ESCO2: variants seen among roughly 807,000 people sequenced by gnomAD.
The protein encoded by ESCO2 is N-acetyltransferase ESCO2.
Under a neutral mutation model 61.7 loss-of-function variants are expected in ESCO2, and 51 were observed. That is an observed-to-expected ratio of 0.83 (90% CI 0.66 to 1.04). The LOEUF (loss-of-function observed/expected upper bound fraction) is 1.04. ESCO2 is among the 50% of genes least tolerant of loss of function. The probability of loss-of-function intolerance (pLI) is 0.00; values close to 1 mark genes in which losing one functional copy is unlikely to be tolerated. For synonymous variants in ESCO2, 230 were observed against 238.2 expected (o/e 0.97, Z 0.32); for missense variants, 692 against 686.2 (o/e 1.01, Z -0.09).
chr8:27,806,403 A>G (rs1454395326), downstream of ESCO2, among the ~76,000 whole-genome samples: 1 of 152,186 alleles, frequency 6.6e-6, no homozygotes, highest in East Asian at 1.9e-4. Flanking sequence ...TGTTAATTAT[A>G]GTATCAATGT....
At position 27,776,859 on chromosome 8, in the gene ESCO2, C is replaced by G. The variant is rs2128951206; in HGVS notation, c.551C>G (p.Ser184Ter). The G allele has an allele frequency of 1.2e-6, 2 of 1,614,092 alleles. No individual in the cohort carries two copies. Among genetic ancestry groups the G allele is most frequent in the African/African-American group, 1.3e-5 (1 of 75,016 alleles). The change falls in exon 3 of 11, where the codon TCA (serine) becomes TGA (stop). Residue 184 changes from serine to a stop codon, truncating the protein, a stop_gained. Transcript: ENST00000305188. LOFTEE classifies it high-confidence loss of function. ...PIVEKENNCHSAENNSNAPRV... is the reference protein window; with the variant it reads ...PIVEKENNCH ...GTGGAGAAGGAAAATAATTGTCATT[C>G]AGCTGAAAATAATTCCAATGCTCCT...
chr8:27,802,652 TA>T (rs1220882534), intron 10 of ESCO2, among the ~76,000 whole-genome samples: 60 of 70,702 alleles, frequency 8.5e-4, no homozygotes, highest in African/African-American at 1.7e-3. Context: ...TATATATATA[TA>T]TATTATATAT....
chr8:27,802,055 G>A (rs1805441085), intron 10 of ESCO2, among the ~76,000 whole-genome samples: 1 of 134,732 alleles, frequency 7.4e-6, no homozygotes, highest in South Asian at 2.4e-4. Flanking sequence ...CCCTAATCTG[G>A]AACAATTTCT....
At position 27,802,771 on chromosome 8, in the gene ESCO2, G is replaced by C. The variant is rs138289314; in HGVS notation, c.1674-535G>C. Among the ~76,000 whole-genome samples, 746 of 138,524 alleles carry C rather than the reference G, an allele frequency of 5.4e-3. 20 individuals are homozygous for C. The East Asian group carries it at 0.11, about 20-fold the overall frequency. 90.9% of individuals were successfully genotyped at this position (138,524 alleles called of 152,430 possible). On this transcript the variant is annotated intron_variant, in intron 10 of 10. Transcript: ENST00000305188. ...TTATTTTTATTTTTTGATTGAGTTG[G>C]AGTCTCACTCTGTTACCCAGGCTGG...
intron 4 of ESCO2, 46 bp from the exon 5 acceptor site, chr8:27,783,954 T>C: frequency 1.3e-6 from 2 of 1,484,416 alleles, no homozygotes; most frequent in Non-Finnish European, 1.9e-6. Flanking sequence ...ATTAAAGCTT[T>C]GATTTTATTT....
chr8:27,807,133 C>A (rs1392037448), downstream of ESCO2, among the ~76,000 whole-genome samples: 2 of 151,938 alleles, frequency 1.3e-5, no homozygotes, highest in Non-Finnish European at 2.9e-5. Flanking sequence ...TCTAAGATTG[C>A]CAGTCTAGTA....
At chr8:27,806,435 G>A (rs948008710), downstream of ESCO2, among the ~76,000 whole-genome samples, 10 of 152,014 alleles carry the variant, frequency 6.6e-5, no homozygotes, top group African/African-American at 1.9e-4. Flanking sequence ...TTAGTACATG[G>A]TCCCACTTTT....
chr8:27,794,306 A>T (rs763068152), intron 9 of ESCO2, among the ~76,000 whole-genome samples: 76 of 152,322 alleles, frequency 5.0e-4, no homozygotes, highest in South Asian at 1.7e-3. Flanking sequence ...TCATTCTAAC[A>T]GGCGTGAGGT....
chr8:27,808,530 A>T (rs990017990), downstream of ESCO2, among the ~76,000 whole-genome samples: 1 of 148,580 alleles, frequency 6.7e-6, no homozygotes, highest in Non-Finnish European at 1.5e-5. Context: ...AAAAAAAAAA[A>T]TTAGCCAGGT....
At chr8:27,773,396 C>A (rs968530418), upstream of ESCO2, among the ~76,000 whole-genome samples, 1 of 152,004 alleles carries the variant, frequency 6.6e-6, no homozygotes, top group Non-Finnish European at 1.5e-5. Context: ...TTCCTGCCCC[C>A]CTTCTTCGTC....
chr8:27,818,210 G>A, the ESCO2 span, among the ~76,000 whole-genome samples: 23,941 of 152,146 alleles, frequency 0.16, 2,391 homozygotes, highest in East Asian at 0.37. Flanking sequence ...TTTGAGGTCT[G>A]TGTTACCACA....
At chr8:27,779,540 G>A (rs1255900649) in intron 3 of ESCO2, 2 of 152,214 alleles carry the variant, frequency 1.3e-5, no homozygotes, top group South Asian at 2.1e-4. Context: ...GGTGGCTGCT[G>A]GGGAAACTTT....
Position 27,777,293 on chromosome 8 carries a change from A to C in ESCO2, c.861+124A>C, listed in dbSNP as rs571369749. The C allele has an allele frequency of 8.0e-5, 71 of 882,524 alleles. No individual in the cohort carries two copies. The East Asian group carries it at 1.9e-3, about 24-fold the overall frequency. The allele number at this position is 882,524 out of a possible 1,614,324, so 54.7% of individuals were successfully genotyped here. ...AAGCCAGATAGCATAGTGTTTAGTTACTGTAAGGAGTTTATTTATTTATTT... is the reference window on the plus strand; with the variant it reads ...AAGCCAGATAGCATAGTGTTTAGTTCCTGTAAGGAGTTTATTTATTTATTT... On this transcript the variant is annotated intron_variant, in intron 3 of 10. Coordinates refer to ENST00000305188, the MANE Select transcript of ESCO2 (RefSeq NM_001017420.3).
chr8:27,784,107 C>G (rs762510650), intron 5 of ESCO2, 50 bp downstream of exon 5: 1 of 1,557,204 alleles, frequency 6.4e-7, no homozygotes, highest in South Asian at 1.1e-5. Flanking sequence ...TTATACAGTT[C>G]CTCTGGGTCT....
chr8:27,810,136 T>C, downstream of ESCO2: 2 of 587,112 alleles, frequency 3.4e-6, no homozygotes, highest in South Asian at 2.2e-5. Flanking sequence ...CAAGTGCTTA[T>C]AGCCAATATA....
Position 27,783,983 on chromosome 8 carries a change from G to A in ESCO2, c.956-17G>A. 6.2e-7 allele frequency: 1 copy of A among 1,604,898 alleles called. No homozygotes were observed. The highest frequency in any genetic ancestry group is 8.5e-7 in the Non-Finnish European group (1 of 1,171,880). On this transcript the variant is annotated splice_polypyrimidine_tract_variant and intron_variant, in intron 4 of 10. Coordinates refer to ENST00000305188, the MANE Select transcript of ESCO2 (RefSeq NM_001017420.3). The stretch of plus-strand genomic sequence containing the variant: ...TTTATTTGGTAATACACATTATCAT[G>A]ATTTTTCCCCTACCAGTTTCTCCTA...
intron 2 of ESCO2, 118 bp from the exon 3 acceptor site, chr8:27,776,244 T>G (rs1341615091): frequency 5.3e-6 from 4 of 748,528 alleles, no homozygotes; most frequent in Non-Finnish European, 8.7e-6. Context: ...AAATTGTGTG[T>G]ATGGGGGGTA....
downstream of ESCO2, chr8:27,810,943 A>G (rs999808934): frequency 6.9e-7 from 1 of 1,459,774 alleles, no homozygotes; most frequent in Non-Finnish European, 9.6e-7. Context: ...TTTATGTTAG[A>G]AATTGTATTC....
chr8:27,776,634 G>T lies in ESCO2; in HGVS notation c.326G>T (p.Cys109Phe). The T allele has an allele frequency of 1.2e-6, 2 of 1,613,960 alleles. No homozygotes were observed. The highest frequency in any genetic ancestry group is 2.2e-5 in the South Asian group (2 of 91,050). ...CTGATAAAAGAGAGTAGATCTACTT[G>T]TCTAAAAACTAATGATGAAGATAAA... is the stretch of plus-strand genomic sequence containing the variant. ...RKLIKESRST[C>F]LKTNDEDKSF... The change falls in exon 3 of 11, where the codon TGT (cysteine) becomes TTT (phenylalanine). Residue 109 changes from cysteine to phenylalanine, a missense_variant. Physicochemically the swap from Cys to Phe is radical, Grantham distance 205. Transcript: ENST00000305188.
Sources: allele counts gnomAD v4.1 joint callset (sites outside exome capture counted in the v4.1 genomes callset), GRCh38; gene constraint gnomAD v4.1.1; transcripts MANE v1.5; gene names NCBI Gene and HGNC (gene_info 2026-07-23, HGNC 2026-07-21).